The following XNDC1N variants were observed in gnomAD, a reference collection of about 807,000 sequenced individuals.
XNDC1N encodes the protein protein XNDC1N.
the XNDC1N span, among the ~76,000 whole-genome samples, chr11:71,886,173 T>C: frequency 3.2e-3 from 479 of 151,816 alleles, 3 homozygotes; most frequent in African/African-American, 0.011. Context: ...CCTGCGTCAA[T>C]CTTCTCAACT....
the XNDC1N span, among the ~76,000 whole-genome samples, chr11:71,918,374 T>A: frequency 1.3e-5 from 2 of 152,054 alleles, no homozygotes; most frequent in Admixed American, 1.3e-4. Context: ...CTTGACCTCC[T>A]GGGCTCAGGT....
chr11:71,904,957 A>G, the XNDC1N span, among the ~76,000 whole-genome samples: 18 of 152,156 alleles, frequency 1.2e-4, no homozygotes, highest in Admixed American at 2.0e-4. Flanking sequence ...ACCCCGTGTG[A>G]CATTAGGAGT....
chr11:71,875,930 G>A, the XNDC1N span, among the ~76,000 whole-genome samples: 3 of 152,192 alleles, frequency 2.0e-5, no homozygotes, highest in African/African-American at 4.8e-5. Context: ...GGAGGTTGAG[G>A]CAGGAGATTC....
the XNDC1N span, chr11:71,916,609 G>GT: frequency 4.7e-6 from 1 of 212,028 alleles, no homozygotes; most frequent in South Asian, 9.5e-5. Flanking sequence ...ATATATATTG[G>GT]CCCTTCCTGG....
the XNDC1N span, among the ~76,000 whole-genome samples, chr11:71,913,476 T>C: frequency 6.6e-6 from 1 of 151,534 alleles, no homozygotes; most frequent in Non-Finnish European, 1.5e-5. Flanking sequence ...CTGGCCAATA[T>C]GTTAAAACCC....
the XNDC1N span, among the ~76,000 whole-genome samples, chr11:71,897,666 A>T: frequency 2.6e-5 from 4 of 152,222 alleles, 1 homozygote; most frequent in South Asian, 8.3e-4. Context: ...TACTGGAAAA[A>T]TTAGAAACAG....
At chr11:71,909,968 C>G in the XNDC1N span, among the ~76,000 whole-genome samples, 2 of 152,114 alleles carry the variant, frequency 1.3e-5, no homozygotes, top group South Asian at 4.1e-4. Flanking sequence ...GAGAGAAGAC[C>G]AGCTCTGGCT....
At chr11:71,905,856 G>T in the XNDC1N span, among the ~76,000 whole-genome samples, 1 of 152,022 alleles carries the variant, frequency 6.6e-6, no homozygotes, top group East Asian at 1.9e-4. Context: ...ATCCCAGTGG[G>T]TGTAGCCCAT....
chr11:71,914,539 T>C, the XNDC1N span: 1 of 358,022 alleles, frequency 2.8e-6, no homozygotes, highest in Non-Finnish European at 5.5e-6. Flanking sequence ...TACAAAAAAT[T>C]AGCCAGGTGT....
At chr11:71,878,058 G>A in the XNDC1N span, among the ~76,000 whole-genome samples, 1 of 152,138 alleles carries the variant, frequency 6.6e-6, no homozygotes, top group Non-Finnish European at 1.5e-5. Context: ...GTAATAAATA[G>A]GCATGCTGTT....
the XNDC1N span, chr11:71,893,765 C>T: frequency 1.8e-6 from 2 of 1,121,984 alleles, no homozygotes; most frequent in Non-Finnish European, 2.5e-6. Flanking sequence ...GACTGCCTGA[C>T]ACAGATTTCC....
the XNDC1N span, among the ~76,000 whole-genome samples, chr11:71,886,263 C>T: frequency 6.6e-6 from 1 of 152,138 alleles, no homozygotes; most frequent in Non-Finnish European, 1.5e-5. Context: ...AGACCCACAA[C>T]CCCACCTGGG....
chr11:71,900,588 A>G, the XNDC1N span, among the ~76,000 whole-genome samples: 1 of 152,214 alleles, frequency 6.6e-6, no homozygotes, highest in African/African-American at 2.4e-5. Flanking sequence ...TCCTTTTCAT[A>G]GACATCTCAC....
At chr11:71,872,573 A>G in the XNDC1N span, among the ~76,000 whole-genome samples, 2 of 151,982 alleles carry the variant, frequency 1.3e-5, no homozygotes, top group Non-Finnish European at 2.9e-5. Flanking sequence ...AAAATACCAA[A>G]AAAAAATAGC....
the XNDC1N span, among the ~76,000 whole-genome samples, chr11:71,889,525 C>T: frequency 6.6e-5 from 10 of 152,298 alleles, no homozygotes; most frequent in Non-Finnish European, 1.0e-4. Flanking sequence ...AGGATGGATT[C>T]GGTTAGCAGA....
chr11:71,887,595 G>A, the XNDC1N span, among the ~76,000 whole-genome samples: 1 of 152,178 alleles, frequency 6.6e-6, no homozygotes, highest in Non-Finnish European at 1.5e-5. Flanking sequence ...CTGCCAGTGA[G>A]GCAAAAACAG....
the XNDC1N span, among the ~76,000 whole-genome samples, chr11:71,919,929 C>CTTCTTTTTTT: frequency 2.1e-3 from 55 of 26,634 alleles, 1 homozygote; most frequent in South Asian, 5.3e-3. Flanking sequence ...AAGCAGGCCT[C>CTTCTTTTTTT]TTTTTTTTTT....
At chr11:71,904,835 C>T in the XNDC1N span, among the ~76,000 whole-genome samples, 1 of 151,846 alleles carries the variant, frequency 6.6e-6, no homozygotes, top group Non-Finnish European at 1.5e-5. Flanking sequence ...AGGAACATGC[C>T]CCTAGGATGT....
the XNDC1N span, among the ~76,000 whole-genome samples, chr11:71,890,345 C>T: frequency 6.6e-6 from 1 of 152,078 alleles, no homozygotes; most frequent in Non-Finnish European, 1.5e-5. Flanking sequence ...TGTCATCCTG[C>T]GCCTCCCTGG....
Sources: allele counts gnomAD v4.1 joint callset (sites outside exome capture counted in the v4.1 genomes callset), GRCh38; gene constraint gnomAD v4.1.1; transcripts MANE v1.5; gene names NCBI Gene and HGNC (gene_info 2026-07-23, HGNC 2026-07-21).